The following AK5 variants were observed in gnomAD, a reference collection of about 807,000 sequenced individuals.
AK5 encodes the protein adenylate kinase isoenzyme 5.
AK5 carries 27 observed loss-of-function variants against 69.5 expected under a neutral mutation model. That is an observed-to-expected ratio of 0.39 (90% CI 0.29 to 0.54). The LOEUF (loss-of-function observed/expected upper bound fraction) is 0.54, where lower values mean the gene tolerates loss of function less well. Ranked by LOEUF, AK5 falls within the 20% of genes least tolerant of loss-of-function variation. The pLI, the probability that AK5 is intolerant of heterozygous loss-of-function variation, is 0.71. For synonymous variants in AK5, 260 were observed against 244.4 expected (o/e 1.06, Z -0.60); for missense variants, 531 against 700.4 (o/e 0.76, Z 2.73).
rs150492201 is a variant in AK5, at chr1:77,398,707, C to T, written c.892-12274C>T. Among the ~76,000 whole-genome samples the T allele has an allele frequency of 7.2e-5, 11 of 152,244 alleles. No homozygotes were observed. In the East Asian group the frequency reaches 1.7e-3, roughly 24 times the overall value. Reference sequence around the variant, plus strand: ...CATTTTTCTCATTTTCTCCCTTTAACGCTTTCTTTACCAAGTCATTTCAAA... The same window carrying T: ...CATTTTTCTCATTTTCTCCCTTTAATGCTTTCTTTACCAAGTCATTTCAAA... On this transcript the variant is annotated intron_variant, in intron 6 of 13. Coordinates refer to ENST00000354567, the MANE Select transcript of AK5 (RefSeq NM_174858.3).
intron 8 of AK5, among the ~76,000 whole-genome samples, chr1:77,431,795 A>G (rs1651655260): frequency 6.6e-6 from 1 of 152,316 alleles, no homozygotes; most frequent in East Asian, 1.9e-4. Flanking sequence ...CTATGTGTGT[A>G]TTCAGGGAGG....
chr1:77,291,465 T>G (rs1393411672), intron 2 of AK5, among the ~76,000 whole-genome samples: 1 of 152,060 alleles, frequency 6.6e-6, no homozygotes, highest in Non-Finnish European at 1.5e-5. Context: ...AAACCTATAT[T>G]TCATTTCATT....
At chr1:77,452,438 G>T (rs1653214152) in intron 8 of AK5, among the ~76,000 whole-genome samples, 1 of 152,186 alleles carries the variant, frequency 6.6e-6, no homozygotes, top group South Asian at 2.1e-4. Flanking sequence ...CTCCAAAAAG[G>T]AAGATTTTTA....
chr1:77,384,174 G>T (rs562469570), intron 6 of AK5, among the ~76,000 whole-genome samples: 19 of 152,158 alleles, frequency 1.2e-4, no homozygotes, highest in African/African-American at 3.9e-4. Flanking sequence ...TAACTCAAAC[G>T]TGCAGTACCA....
intron 5 of AK5, among the ~76,000 whole-genome samples, chr1:77,339,494 C>A (rs1429958736): frequency 1.3e-5 from 2 of 152,132 alleles, no homozygotes; most frequent in Non-Finnish European, 2.9e-5. Context: ...GGAACAGAGG[C>A]CTTAGACCAG....
intron 12 of AK5, among the ~76,000 whole-genome samples, chr1:77,529,104 A>G (rs1015880916): frequency 3.5e-5 from 3 of 86,912 alleles, no homozygotes; most frequent in Non-Finnish European, 6.9e-5. Context: ...AAAATATAAA[A>G]CAAAGAATAA....
intron 8 of AK5, among the ~76,000 whole-genome samples, chr1:77,462,218 A>G (rs1653883035): frequency 6.6e-6 from 1 of 152,216 alleles, no homozygotes; most frequent in Non-Finnish European, 1.5e-5. Flanking sequence ...CAAGAAAGTG[A>G]TCAAGCCAAG....
intron 6 of AK5, among the ~76,000 whole-genome samples, chr1:77,375,838 A>G (rs1647216566): frequency 6.6e-6 from 1 of 151,878 alleles, no homozygotes; most frequent in Non-Finnish European, 1.5e-5. Flanking sequence ...CCTGCGACTG[A>G]CTCTTCACCC....
intron 5 of AK5, among the ~76,000 whole-genome samples, chr1:77,301,772 G>T (rs982983012): frequency 6.6e-6 from 1 of 152,112 alleles, no homozygotes; most frequent in African/African-American, 2.4e-5. Context: ...TGAAATAAAG[G>T]CTCCTATTCA....
chr1:77,321,748 A>G (rs1660546690), intron 5 of AK5, among the ~76,000 whole-genome samples: 1 of 152,194 alleles, frequency 6.6e-6, no homozygotes, highest in South Asian at 2.1e-4. Context: ...TAGAAGTAGT[A>G]AAAATTCTAA....
Position 77,363,757 on chromosome 1 carries a change from C to G in AK5, c.891+23189C>G, listed in dbSNP as rs555373633. On this transcript the variant is annotated intron_variant, in intron 6 of 13. Coordinates refer to ENST00000354567, the MANE Select transcript of AK5 (RefSeq NM_174858.3). The stretch of plus-strand genomic sequence containing the variant: ...ATAGTCACATGGCTTGCTTCTTACT[C>G]TCTTCAAGTCTTTGTTCAAATGTTA... Among the ~76,000 whole-genome samples, 7 of 152,234 alleles carry G rather than the reference C, an allele frequency of 4.6e-5. No individual in the cohort carries two copies. The East Asian group carries it at 1.2e-3, about 25-fold the overall frequency.
chr1:77,556,946 C>G (rs975570789), intron 13 of AK5, among the ~76,000 whole-genome samples: 5 of 152,138 alleles, frequency 3.3e-5, no homozygotes, highest in South Asian at 2.1e-4. Context: ...GCCCGCCCCC[C>G]ACATGACTCA....
chr1:77,358,037 G>GAGAGAGAGAC (rs1662637183), intron 6 of AK5, among the ~76,000 whole-genome samples: 3 of 151,278 alleles, frequency 2.0e-5, no homozygotes, highest in Admixed American at 6.6e-5. Flanking sequence ...GAGAGAGAGA[G>GAGAGAGAGAC]AGACAGAGAG....
At chr1:77,294,021 T>C in intron 3 of AK5, 61 bp downstream of exon 3, 1 of 1,489,682 alleles carries the variant, frequency 6.7e-7, no homozygotes, top group South Asian at 1.3e-5. Context: ...ATATTTACAT[T>C]TCAAAAAAGT....
At chr1:77,330,433 G>A (rs1661029287) in intron 5 of AK5, among the ~76,000 whole-genome samples, 2 of 149,748 alleles carry the variant, frequency 1.3e-5, no homozygotes, top group African/African-American at 4.9e-5. Flanking sequence ...ATAATGTAGG[G>A]AGTCCAGAGT....
chr1:77,529,609 C>T (rs1640551883), intron 12 of AK5, among the ~76,000 whole-genome samples: 1 of 152,174 alleles, frequency 6.6e-6, no homozygotes, highest in African/African-American at 2.4e-5. Context: ...AGGCGTGAGC[C>T]ATTTTATAGA....
At chr1:77,440,351 A>T (rs909913401) in intron 8 of AK5, among the ~76,000 whole-genome samples, 20 of 152,172 alleles carry the variant, frequency 1.3e-4, no homozygotes, top group African/African-American at 4.6e-4. Flanking sequence ...TTCCTCTAAT[A>T]GGGATTCCCT....
At chr1:77,454,044 C>G (rs1401461759) in intron 8 of AK5, among the ~76,000 whole-genome samples, 1 of 152,158 alleles carries the variant, frequency 6.6e-6, no homozygotes, top group Admixed American at 6.5e-5. Flanking sequence ...GTCTTCAGCT[C>G]TGTAGGGTCA....
intron 5 of AK5, among the ~76,000 whole-genome samples, chr1:77,308,050 T>C (rs967547319): frequency 6.6e-6 from 1 of 152,144 alleles, no homozygotes; most frequent in African/African-American, 2.4e-5. Flanking sequence ...TCATGCTCCA[T>C]TGATGAGAAT....
Sources: gnomAD v4.1 joint callset for allele counts (sites outside exome capture counted in the v4.1 genomes callset) on GRCh38, gnomAD v4.1.1 for gene constraint, MANE v1.5 for transcripts, NCBI Gene and HGNC (gene_info 2026-07-23, HGNC 2026-07-21) for gene names.